The following BSN variants were observed in gnomAD, a reference collection of about 807,000 sequenced individuals.
The protein encoded by BSN is protein bassoon.
A neutral mutation model predicts 264.8 loss-of-function variants in BSN; 57 were observed. That is an observed-to-expected ratio of 0.22 (90% CI 0.17 to 0.27). The LOEUF is 0.27. Ranked by LOEUF, BSN falls within the 10% of genes least tolerant of loss-of-function variation. The probability of loss-of-function intolerance (pLI) is 1.00; values close to 1 mark genes in which losing one functional copy is unlikely to be tolerated. For missense variants in BSN, 4,615 were observed against 5,232.5 expected (o/e 0.88, Z 3.64); for synonymous variants, 2,059 against 2,137.3 (o/e 0.96, Z 1.01).
At position 49,662,417 on chromosome 3, in the gene BSN, C is replaced by T. The variant is rs763322916; in HGVS notation, c.10572C>T (p.Gly3524=). The T allele has an allele frequency of 1.4e-5, 23 of 1,613,322 alleles. 1 individual carries two copies. The highest frequency in any genetic ancestry group is 1.3e-4 in the South Asian group (12 of 91,090). The change falls in exon 6 of 12, where the codon GGC becomes GGT. Residue 3524 remains glycine, a synonymous_variant. Transcript: ENST00000296452. Reference sequence around the variant, plus strand: ...CTGCCGGAGGGCCCCTCCCTCCCGGCGGGGATACCTGCCCACAGTTCTGCT... The same window carrying T: ...CTGCCGGAGGGCCCCTCCCTCCCGGTGGGGATACCTGCCCACAGTTCTGCT... The part of the protein sequence containing the change: ...PRPAGGPLPP[G]GDTCPQFCSS...
At position 49,638,404 on chromosome 3, in the gene BSN, G is replaced by A. The variant is rs186197632; in HGVS notation, c.634-3864G>A. 1.1e-3 allele frequency among the ~76,000 whole-genome samples: 167 copies of A among 152,308 alleles called. 2 individuals carry two copies. Among genetic ancestry groups the A allele is most frequent in the Admixed American group, 8.0e-3 (123 of 15,312 alleles). On this transcript the variant is annotated intron_variant, in intron 2 of 11. Coordinates refer to ENST00000296452, the MANE Select transcript of BSN (RefSeq NM_003458.4). The surrounding 1 kb of genome is among the most constrained non-coding windows in gnomAD (Gnocchi z 4.3). ...TGTGGGGATAGGGGCCTTGCAGTAT[G>A]GAGGAAGAGACTGAGGTTGGGCTCC...
chr3:49,624,916 C>A (rs1297330630), intron 1 of BSN, 59 bp from the exon 2 acceptor site: 3 of 1,454,840 alleles, frequency 2.1e-6, no homozygotes, highest in East Asian at 2.5e-5. Context: ...TTGGTAGAGA[C>A]CTCCGCAAGC....
chr3:49,580,092 A>G (rs893190653), intron 1 of BSN, among the ~76,000 whole-genome samples: 4 of 152,064 alleles, frequency 2.6e-5, no homozygotes, highest in African/African-American at 4.8e-5. Context: ...TTACAAATTT[A>G]ATTTGATTAT....
chr3:49,567,304 C>CT (rs913762243), intron 1 of BSN, among the ~76,000 whole-genome samples: 6 of 148,178 alleles, frequency 4.0e-5, no homozygotes, highest in East Asian at 1.9e-4. Flanking sequence ...AAATTAAGCT[C>CT]TTTTTTCCCA....
Position 49,591,606 on chromosome 3 carries a change from G to GT in BSN, c.225-33360dup, listed in dbSNP as rs375835292. 7.4e-3 allele frequency among the ~76,000 whole-genome samples: 1,102 copies of GT among 148,180 alleles called. 9 individuals are homozygous for GT. The highest frequency in any genetic ancestry group is 0.025 in the African/African-American group (1,016 of 40,680). On this transcript the variant is annotated intron_variant, in intron 1 of 11. Coordinates refer to ENST00000296452, the MANE Select transcript of BSN (RefSeq NM_003458.4). ...CTTCCAGATTTTTGTTTTTGTTTTT[G>GT]TTTTTTTTTGAGGCAGGGTCTCACT...
At chr3:49,639,550 G>A (rs1026453189) in intron 2 of BSN, among the ~76,000 whole-genome samples, 2 of 152,204 alleles carry the variant, frequency 1.3e-5, no homozygotes, top group Non-Finnish European at 2.9e-5. Flanking sequence ...CAGCTAGTGG[G>A]ATGGCTTCTC....
At position 49,657,986 on chromosome 3, in the gene BSN, C is replaced by T; in HGVS notation, c.8430C>T (p.Ser2810=). The part of the protein sequence containing the change: ...PLSPHRLLDT[S]FASSERLNKA... Reference sequence around the variant, plus strand: ...CCCCTCACCGGCTCCTGGACACCTCCTTTGCTTCCAGTGAGAGGCTGAACA... The same window carrying T: ...CCCCTCACCGGCTCCTGGACACCTCTTTTGCTTCCAGTGAGAGGCTGAACA... The change falls in exon 5 of 12, where the codon TCC becomes TCT. Residue 2810 remains serine, a synonymous_variant. Transcript: ENST00000296452. 6.2e-7 allele frequency: 1 copy of T among 1,612,362 alleles called. No homozygotes were observed. The highest frequency in any genetic ancestry group is 8.5e-7 in the Non-Finnish European group (1 of 1,178,844).
In BSN at chr3:49,657,176, G is replaced by A. The variant is rs781759227; in HGVS notation, c.7620G>A (p.Leu2540=). ...GLPSSASDMS[L]QTEEQWEASR... The stretch of plus-strand genomic sequence containing the variant: ...CCAGCTCTGCCTCAGACATGTCACT[G>A]CAAACGGAGGAGCAGTGGGAGGCCA... The change falls in exon 5 of 12, where the codon CTG becomes CTA. Residue 2540 remains leucine, a synonymous_variant. Transcript: ENST00000296452. 46 of 1,613,230 alleles carry A rather than the reference G, an allele frequency of 2.9e-5. No individual in the cohort carries two copies. Among genetic ancestry groups the A allele is most frequent in the Non-Finnish European group, 3.4e-6 (4 of 1,180,046 alleles).
At chr3:49,631,834 C>T (rs1020143411) in intron 2 of BSN, among the ~76,000 whole-genome samples, 2 of 152,110 alleles carry the variant, frequency 1.3e-5, no homozygotes, top group East Asian at 1.9e-4. Flanking sequence ...TTTAAAACAC[C>T]CCTCTGATGC....
intron 2 of BSN, among the ~76,000 whole-genome samples, chr3:49,630,134 A>G (rs1028055910): frequency 6.6e-6 from 1 of 152,246 alleles, no homozygotes; most frequent in Non-Finnish European, 1.5e-5. Flanking sequence ...TGCTACAGCC[A>G]GCAGCCTTGT....
At chr3:49,602,445 AT>A (rs752244991) in intron 1 of BSN, among the ~76,000 whole-genome samples, 656 of 138,972 alleles carry the variant, frequency 4.7e-3, no homozygotes, top group Admixed American at 5.4e-3. Context: ...CTCTCTTTAA[AT>A]TTTTTTTTTT....
chr3:49,650,517 C>T (rs2108079134), intron 3 of BSN, 95 bp from the exon 4 acceptor site: 2 of 1,215,792 alleles, frequency 1.6e-6, no homozygotes, highest in Non-Finnish European at 2.3e-6. Flanking sequence ...AAAGTTCTCT[C>T]CTCCCTAAGG....
chr3:49,661,682 A>G lies in BSN; in HGVS notation c.9837A>G (p.Thr3279=). Residue 3279 remains threonine (T), a synonymous_variant, in exon 6 of 12, where the codon ACA becomes ACG. Transcript: ENST00000296452. Reference sequence around the variant, plus strand: ...AACCAGGTGTCCTTGACGGGCCCACACTGCCCTGCTGCTATGCCAGAGGAG... The same window carrying G: ...AACCAGGTGTCCTTGACGGGCCCACGCTGCCCTGCTGCTATGCCAGAGGAG... ...PGEPGVLDGP[T]LPCCYARGEE... 1.9e-6 allele frequency: 3 copies of G among 1,613,722 alleles called. No homozygotes were observed. The highest frequency in any genetic ancestry group is 2.5e-6 in the Non-Finnish European group (3 of 1,180,032).
At chr3:49,576,620 C>T (rs2051847133) in intron 1 of BSN, among the ~76,000 whole-genome samples, 1 of 152,030 alleles carries the variant, frequency 6.6e-6, no homozygotes, top group African/African-American at 2.4e-5. Context: ...TGGGGTTTCA[C>T]CATGTTGGCC....
Position 49,663,321 on chromosome 3 carries a change from C to T in BSN, c.11163C>T (p.Ser3721=). Residue 3721 remains serine (S), a synonymous_variant, in exon 7 of 12, where the codon AGC becomes AGT. Transcript: ENST00000296452. ...CCGCATACCATCATGCCTCTGACAG[C>T]AAGAAGGGCTCCCGGCAAGCCCACT... ...ASSAYHHASD[S]KKGSRQAHSG... is the part of the protein sequence containing the mutation. 6.2e-7 allele frequency: 1 copy of T among 1,614,000 alleles called. No individual in the cohort carries two copies. The highest frequency in any genetic ancestry group is 1.1e-5 in the South Asian group (1 of 91,088).
At chr3:49,574,080 G>T (rs1256515022) in intron 1 of BSN, among the ~76,000 whole-genome samples, 2 of 151,836 alleles carry the variant, frequency 1.3e-5, no homozygotes, top group African/African-American at 4.8e-5. Context: ...CTCCCAAGTA[G>T]CTGGGACTAG....
At chr3:49,583,127 C>A (rs966703236) in intron 1 of BSN, among the ~76,000 whole-genome samples, 8 of 152,116 alleles carry the variant, frequency 5.3e-5, no homozygotes, top group Admixed American at 2.6e-4. Flanking sequence ...TGCAACTACT[C>A]CTGGCTAATT....
At position 49,625,380 on chromosome 3, in the gene BSN, C is replaced by G; in HGVS notation, c.630C>G (p.Thr210=). 1 of 1,478,338 alleles carries G rather than the reference C, an allele frequency of 6.8e-7. No homozygotes were observed. The highest frequency in any genetic ancestry group is 9.0e-7 in the Non-Finnish European group (1 of 1,113,324). The allele number at this position is 1,478,338 out of a possible 1,614,324, so 91.6% of individuals were successfully genotyped here. ...GGTTCAACCCCAACCCTCATCTCAC[C>G]CAGGTAACCACTTCTGCGCCGGCTC... ...QCGFNPNPHL[T]QVKEWLCLNC... The change falls in exon 2 of 12, where the codon ACC becomes ACG. Residue 210 remains threonine, a synonymous_variant. Transcript: ENST00000296452. The surrounding 1 kb of genome is among the most constrained non-coding windows in gnomAD (Gnocchi z 4.4).
intron 2 of BSN, among the ~76,000 whole-genome samples, chr3:49,632,203 G>T (rs2108063548): frequency 6.6e-6 from 1 of 152,156 alleles, no homozygotes; most frequent in Non-Finnish European, 1.5e-5. Context: ...CTAAACATAA[G>T]AGCTAAAACT....
Sources: allele counts gnomAD v4.1 joint callset (sites outside exome capture counted in the v4.1 genomes callset), GRCh38; gene constraint gnomAD v4.1.1; non-coding constraint Gnocchi (gnomAD v3.1); transcripts MANE v1.5; gene names NCBI Gene and HGNC (gene_info 2026-07-23, HGNC 2026-07-21).